The following GCA variants were observed in gnomAD, a reference collection of about 807,000 sequenced individuals.
GCA encodes grancalcin.
In GCA, 30 loss-of-function variants were observed where a neutral mutation model predicts 32.6. The observed-to-expected ratio is 0.92, with a 90% CI of 0.69 to 1.25. The LOEUF is 1.25. Among genes scored for constraint, GCA ranks in the 50% most tolerant of loss-of-function variants. The probability of loss-of-function intolerance (pLI) is 0.00; values close to 1 mark genes in which losing one functional copy is unlikely to be tolerated. For missense variants in GCA, 291 were observed against 266.8 expected, an observed-to-expected ratio of 1.09 and a Z score of -0.63; for synonymous variants, 102 against 84.6, an observed-to-expected ratio of 1.21 and a Z score of -1.13.
chr2:162,358,238 A>G (rs1685384738), intron 5 of GCA, among the ~76,000 whole-genome samples: 1 of 151,544 alleles, frequency 6.6e-6, no homozygotes, highest in African/African-American at 2.4e-5. Flanking sequence ...AGGACCATCT[A>G]TAAGGGTACA....
chr2:162,373,564 C>T, downstream of GCA: 1 of 1,595,652 alleles, frequency 6.3e-7, no homozygotes. Flanking sequence ...ATATTCTGAT[C>T]CTGCTGTTAC....
chr2:162,326,163 C>G (rs771762368), intron 1 of GCA, among the ~76,000 whole-genome samples: 5 of 152,124 alleles, frequency 3.3e-5, no homozygotes, highest in Non-Finnish European at 7.3e-5. Context: ...AGGGTTGGAT[C>G]AATCCTACAT....
In GCA at chr2:162,371,319, A is replaced by C. The variant is rs891866390; in HGVS notation, c.380A>C (p.Asn127Thr). The change falls in exon 5 of 5, where the codon AAC becomes ACC. Residue 127 changes from asparagine to threonine, a missense_variant. Transcript: ENST00000414723. ...TTTTTCTTCCAGTGTGGAGGAATGA[A>C]CGTAATTAACTTTGAACATCTTGAT... 5 of 1,287,264 alleles carry C rather than the reference A, an allele frequency of 3.9e-6. No individual in the cohort carries two copies. The African/African-American group carries it at 7.6e-5, about 20-fold the overall frequency. 79.7% of individuals were successfully genotyped at this position (1,287,264 alleles called of 1,614,324 possible). A position where few individuals can be genotyped will look rare whatever the true frequency, so the allele number is the denominator to read the frequency against.
downstream of GCA, among the ~76,000 whole-genome samples, chr2:162,363,378 T>C (rs533451811): frequency 6.6e-6 from 1 of 151,524 alleles, no homozygotes; most frequent in South Asian, 2.1e-4. Flanking sequence ...ATCATTTACA[T>C]AGTGAATTAA....
chr2:162,326,800 G>A lies in GCA; in HGVS notation c.-31+7575G>A, dbSNP rs148426725. Among the ~76,000 whole-genome samples, 347 of 152,302 alleles carry A rather than the reference G, an allele frequency of 2.3e-3. 1 individual carries two copies. The highest frequency in any genetic ancestry group is 7.5e-3 in the African/African-American group (311 of 41,566). On this transcript the variant is annotated intron_variant, in intron 1 of 4. Coordinates refer to the GCA transcript ENST00000429691. ...CCCAAAGTGCTGGGATTACAGGCAT[G>A]AGCCACCACACCTGGCCTTCCTTTC...
At position 162,360,584 on chromosome 2, in the gene GCA, TAATG is replaced by T. The variant is rs1482109727; in HGVS notation, c.*344_*347del. 3.9e-5 allele frequency: 45 copies of T among 1,139,372 alleles called. No homozygotes were observed. The East Asian group carries it at 5.7e-4, about 14-fold the overall frequency. 70.6% of individuals were successfully genotyped at this position (1,139,372 alleles called of 1,614,324 possible). A position where few individuals can be genotyped will look rare whatever the true frequency, so the allele number is the denominator to read the frequency against. ...AAGATAGATTGTATAAGAAGCCAAA[TAATG>T]AAAGCCTAGAAAAAACTAATTTATA... On this transcript the variant is annotated 3_prime_UTR_variant, in exon 8 of 8. Transcript: ENST00000437150.
At position 162,352,399 on chromosome 2, in the gene GCA, CT is replaced by C; in HGVS notation, c.256del (p.Tyr86ThrfsTer12). ...TTGACACAGTCTGGAATTAATGGAA[CT>C]TACTCTCGTGAGATCTTTTTTCCCC... ...RCLTQSGING[T>X]YSPFSLETCR... is the part of the protein sequence containing the mutation. On this transcript the variant is annotated frameshift_variant, in exon 3 of 8. Coordinates refer to ENST00000437150, the MANE Select transcript of GCA (RefSeq NM_012198.5). LOFTEE classifies it high-confidence loss of function. 6.4e-7 allele frequency: 1 copy of C among 1,558,370 alleles called. No homozygotes were observed. Among genetic ancestry groups the C allele is most frequent in the Non-Finnish European group, 8.9e-7 (1 of 1,129,540 alleles).
intron 1 of GCA, among the ~76,000 whole-genome samples, chr2:162,336,668 T>TA (rs1684280473): frequency 6.6e-6 from 1 of 152,198 alleles, no homozygotes; most frequent in Non-Finnish European, 1.5e-5. Context: ...GTCTTCTATA[T>TA]AGCCTAGTTG....
chr2:162,318,919 C>T (rs1223409282), upstream of GCA: 1 of 220,272 alleles, frequency 4.5e-6, no homozygotes, highest in Admixed American at 5.1e-5. Flanking sequence ...CCAGCAGGTT[C>T]TGCCTTAACA....
intron 1 of GCA, among the ~76,000 whole-genome samples, chr2:162,328,028 C>T (rs1471550033): frequency 6.6e-6 from 1 of 152,060 alleles, no homozygotes; most frequent in African/African-American, 2.4e-5. Flanking sequence ...TTGAGGAGCC[C>T]TTTAGCCCGT....
upstream of GCA, among the ~76,000 whole-genome samples, chr2:162,342,890 G>A (rs1341854854): frequency 6.6e-6 from 1 of 152,140 alleles, no homozygotes; most frequent in Non-Finnish European, 1.5e-5. Context: ...CTTTTGCCAC[G>A]TAGGTTTTAC....
At chr2:162,336,724 G>T (rs1390728072) in intron 1 of GCA, among the ~76,000 whole-genome samples, 1 of 152,126 alleles carries the variant, frequency 6.6e-6, no homozygotes, top group Non-Finnish European at 1.5e-5. Flanking sequence ...TAATCATTCA[G>T]TATAATTACT....
chr2:162,323,107 G>C (rs1466026584), intron 1 of GCA, among the ~76,000 whole-genome samples: 1 of 151,750 alleles, frequency 6.6e-6, no homozygotes, highest in Non-Finnish European at 1.5e-5. Context: ...ATTCTAACTG[G>C]TGTGAGATGG....
chr2:162,344,072 C>T (rs1336290988), upstream of GCA: 10 of 652,912 alleles, frequency 1.5e-5, no homozygotes, highest in South Asian at 5.3e-5. Context: ...CAATCGGAAC[C>T]GTGCAGGGCG....
At chr2:162,373,689 GAC>G, downstream of GCA, 2 of 1,421,858 alleles carry the variant, frequency 1.4e-6, no homozygotes, top group Non-Finnish European at 1.9e-6. Context: ...AGTAGGAAAA[GAC>G]AGTCTAAAAT....
At position 162,336,308 on chromosome 2, in the gene GCA, A is replaced by G. The variant is rs181200184; in HGVS notation, c.-30-11270A>G. Among the ~76,000 whole-genome samples the G allele has an allele frequency of 1.2e-3, 188 of 151,900 alleles. 4 individuals are homozygous for G. The highest frequency in any genetic ancestry group is 5.8e-3 in the South Asian group (28 of 4,802). ...CATGTATTTATTGATGTGTAGATTT[A>G]TTTAAAATAATGTACAGAAAGATAT... On this transcript the variant is annotated intron_variant, in intron 1 of 4. Coordinates refer to the GCA transcript ENST00000429691.
chr2:162,348,326 A>T (rs911893021), intron 2 of GCA, among the ~76,000 whole-genome samples: 6 of 151,948 alleles, frequency 3.9e-5, no homozygotes, highest in African/African-American at 1.2e-4. Context: ...CCCATTTTTT[A>T]AAAAAAACTC....
intron 5 of GCA, among the ~76,000 whole-genome samples, chr2:162,357,447 A>T (rs1374386713): frequency 1.3e-5 from 2 of 151,828 alleles, no homozygotes; most frequent in Non-Finnish European, 3.0e-5. Context: ...AATGGATAAC[A>T]TACAATGGTG....
chr2:162,364,865 C>T (rs1490072835), downstream of GCA, among the ~76,000 whole-genome samples: 1 of 151,482 alleles, frequency 6.6e-6, no homozygotes, highest in African/African-American at 2.4e-5. Flanking sequence ...CCTGTTTATC[C>T]ACCAGAAATT....
Sources: gnomAD v4.1 joint callset for allele counts (sites outside exome capture counted in the v4.1 genomes callset) on GRCh38, gnomAD v4.1.1 for gene constraint, MANE v1.5 for transcripts, NCBI Gene and HGNC (gene_info 2026-07-23, HGNC 2026-07-21) for gene names.